The following ASCC3 variants were observed in gnomAD, a reference collection of about 807,000 sequenced individuals.
ASCC3 encodes the protein activating signal cointegrator 1 complex subunit 3.
Under a neutral mutation model 256.3 loss-of-function variants are expected in ASCC3, and 158 were observed. The ratio of observed to expected loss-of-function variants is 0.62; its 90% CI spans 0.54 to 0.70. The LOEUF is 0.70. Among genes scored for constraint, ASCC3 ranks in the 30% least tolerant of loss-of-function variants. The pLI is 0.00. For synonymous variants in ASCC3, 948 were observed against 883.4 expected (o/e 1.07, Z -1.30); for missense variants, 2,259 against 2,626.0 (o/e 0.86, Z 3.05).
intron 8 of ASCC3, among the ~76,000 whole-genome samples, chr6:100,794,793 G>A (rs979440486): frequency 9.2e-5 from 14 of 151,980 alleles, no homozygotes; most frequent in African/African-American, 3.4e-4. Context: ...GTTTGGGCCA[G>A]TAGTCCATTT....
At chr6:100,527,842 T>G (rs568556484) in intron 37 of ASCC3, among the ~76,000 whole-genome samples, 62 of 152,112 alleles carry the variant, frequency 4.1e-4, no homozygotes, top group African/African-American at 1.3e-3. Context: ...TGTTTTTTTT[T>G]TTGTTGTTTT....
At chr6:100,706,106 G>A (rs1238696377) in intron 13 of ASCC3, among the ~76,000 whole-genome samples, 3 of 151,598 alleles carry the variant, frequency 2.0e-5, no homozygotes. Context: ...ATCTCAGAAT[G>A]ACATACACAT....
At chr6:100,748,872 T>A (rs961147573) in intron 10 of ASCC3, among the ~76,000 whole-genome samples, 3 of 151,808 alleles carry the variant, frequency 2.0e-5, no homozygotes, top group Admixed American at 6.6e-5. Flanking sequence ...AATGAGTAAG[T>A]CTAGAGGAGT....
chr6:100,796,223 G>A (rs1448800684), intron 8 of ASCC3, among the ~76,000 whole-genome samples: 2 of 152,162 alleles, frequency 1.3e-5, no homozygotes, highest in Non-Finnish European at 2.9e-5. Flanking sequence ...GGAGAAACTA[G>A]ACTATATCGA....
chr6:100,785,510 T>C (rs1254208510), intron 8 of ASCC3, among the ~76,000 whole-genome samples: 1 of 152,016 alleles, frequency 6.6e-6, no homozygotes, highest in Non-Finnish European at 1.5e-5. Context: ...CAAGTGAACC[T>C]CCCACATAAG....
At chr6:100,725,842 T>A in intron 10 of ASCC3, 139 bp from the exon 11 acceptor site, 1 of 809,654 alleles carries the variant, frequency 1.2e-6, no homozygotes, top group Non-Finnish European at 2.0e-6. Context: ...GAATTACATC[T>A]AATTTACTAT....
chr6:100,569,507 C>A (rs747471852), intron 36 of ASCC3, among the ~76,000 whole-genome samples: 3 of 151,980 alleles, frequency 2.0e-5, no homozygotes, highest in Admixed American at 6.6e-5. Context: ...CTCAGCCTCC[C>A]GAGTAGCTGG....
At chr6:100,570,862 A>G (rs1483217881) in intron 36 of ASCC3, among the ~76,000 whole-genome samples, 2 of 152,140 alleles carry the variant, frequency 1.3e-5, no homozygotes. Context: ...TCAATCAATC[A>G]TTAATTCCTA....
chr6:100,624,144 A>C lies in ASCC3; in HGVS notation c.4785+1048T>G, dbSNP rs571168562. Among the ~76,000 whole-genome samples the C allele has an allele frequency of 5.3e-5, 8 of 152,168 alleles. No individual in the cohort carries two copies. In the South Asian group the frequency reaches 1.4e-3, roughly 28 times the overall value. ...TAAAAAAAAAGACACCATGAAAAAAAGACAAGCAATAAACTAGCAAAGTTA... is the reference window on the plus strand; with the variant it reads ...TAAAAAAAAAGACACCATGAAAAAACGACAAGCAATAAACTAGCAAAGTTA... On this transcript the variant is annotated intron_variant, in intron 30 of 41. Coordinates refer to ENST00000369162, the MANE Select transcript of ASCC3 (RefSeq NM_006828.4).
At chr6:100,809,805 A>G (rs1770371142) in intron 4 of ASCC3, among the ~76,000 whole-genome samples, 1 of 152,104 alleles carries the variant, frequency 6.6e-6, no homozygotes, top group Non-Finnish European at 1.5e-5. Flanking sequence ...ATATTTGTAA[A>G]GTATATGAAG....
intron 36 of ASCC3, among the ~76,000 whole-genome samples, chr6:100,565,626 CAT>C (rs1258491643): frequency 6.6e-6 from 1 of 152,044 alleles, no homozygotes; most frequent in Non-Finnish European, 1.5e-5. Flanking sequence ...ACTCCCGTGT[CAT>C]AGTCTAAACC....
chr6:100,512,942 A>G (rs1304995028), intron 39 of ASCC3, 24 bp from the exon 40 acceptor site: 2 of 1,596,084 alleles, frequency 1.3e-6, no homozygotes, highest in African/African-American at 2.7e-5. Context: ...GAAAAGAAAC[A>G]ATAAAGGAGG....
chr6:100,770,842 CTT>C (rs34601702), intron 8 of ASCC3, among the ~76,000 whole-genome samples: 247 of 141,830 alleles, frequency 1.7e-3, no homozygotes, highest in African/African-American at 2.1e-3. Flanking sequence ...CTTAAGATGT[CTT>C]TTTTTTTTTT....
In ASCC3 at chr6:100,849,710, A is replaced by C. The variant is rs572397284; in HGVS notation, c.242-1003T>G. Among the ~76,000 whole-genome samples the C allele has an allele frequency of 3.3e-5, 5 of 152,306 alleles. No individual in the cohort carries two copies. In the East Asian group the frequency reaches 9.6e-4, roughly 29 times the overall value. ...CATGGGTTTCAAAGAATATTCTTAG[A>C]GAAGAAAAGAAGAATTTAAATCTTC... On this transcript the variant is annotated intron_variant, in intron 3 of 41. Coordinates refer to ENST00000369162, the MANE Select transcript of ASCC3 (RefSeq NM_006828.4).
chr6:100,758,527 T>C (rs941592131), intron 10 of ASCC3, among the ~76,000 whole-genome samples: 6 of 152,212 alleles, frequency 3.9e-5, no homozygotes, highest in African/African-American at 1.2e-4. Context: ...CTGAGGATGA[T>C]GGTTTCCAGC....
chr6:100,821,086 G>A (rs1333773347), intron 4 of ASCC3, among the ~76,000 whole-genome samples: 2 of 152,192 alleles, frequency 1.3e-5, no homozygotes, highest in Non-Finnish European at 2.9e-5. Context: ...CTGGAGTACA[G>A]TGGTACAATC....
intron 11 of ASCC3, among the ~76,000 whole-genome samples, chr6:100,724,774 G>A (rs1313911196): frequency 3.3e-5 from 5 of 151,938 alleles, no homozygotes; most frequent in African/African-American, 4.8e-5. Context: ...CGGCATGACA[G>A]GGTGATGAAG....
chr6:100,872,166 T>C (rs1773773947), intron 1 of ASCC3, among the ~76,000 whole-genome samples: 1 of 152,208 alleles, frequency 6.6e-6, no homozygotes, highest in Non-Finnish European at 1.5e-5. Flanking sequence ...ACATGATGTA[T>C]TAATACTGTG....
chr6:100,726,432 G>A (rs574146539), intron 10 of ASCC3, among the ~76,000 whole-genome samples: 128 of 151,910 alleles, frequency 8.4e-4, no homozygotes, highest in African/African-American at 3.0e-3. Context: ...AATTTGCAGA[G>A]AAAAAATGTG....
Sources: allele counts gnomAD v4.1 joint callset (sites outside exome capture counted in the v4.1 genomes callset), GRCh38; gene constraint gnomAD v4.1.1; transcripts MANE v1.5; gene names NCBI Gene and HGNC (gene_info 2026-07-23, HGNC 2026-07-21).